Variants in DYDC2 observed in about 807,000 individuals in gnomAD.
DYDC2 encodes the protein DPY30 domain containing 2.
In DYDC2, 19 loss-of-function variants were observed where a neutral mutation model predicts 18.7. The observed-to-expected ratio is 1.02, with a 90% CI of 0.71 to 1.49. The LOEUF is 1.49. Ranked by LOEUF, DYDC2 falls within the 40% of genes most tolerant of loss-of-function variation. DYDC2 has a pLI of 0.00. For missense variants in DYDC2, 179 were observed against 205.1 expected (o/e 0.87, Z 0.78); for synonymous variants, 63 against 67.6 (o/e 0.93, Z 0.34).
At chr10:80,357,263 G>C (rs1160967681) in intron 1 of DYDC2, among the ~76,000 whole-genome samples, 1 of 150,338 alleles carries the variant, frequency 6.7e-6, no homozygotes, top group Non-Finnish European at 1.5e-5. Context: ...GGGAGCGTAG[G>C]ATCGGGGCGG....
intron 1 of DYDC2, among the ~76,000 whole-genome samples, chr10:80,347,509 CA>C (rs1468861812): frequency 6.6e-6 from 1 of 152,040 alleles, no homozygotes; most frequent in Non-Finnish European, 1.5e-5. Context: ...GTGTCATACC[CA>C]AAAAATTATT....
upstream of DYDC2, among the ~76,000 whole-genome samples, chr10:80,354,667 C>A (rs768804222): frequency 1.4e-4 from 22 of 151,948 alleles, no homozygotes; most frequent in Non-Finnish European, 2.4e-4. Flanking sequence ...TAGTGTGGAG[C>A]CGTCATGCAT....
At chr10:80,358,271 A>G (rs1843509170) in intron 2 of DYDC2, among the ~76,000 whole-genome samples, 1 of 152,152 alleles carries the variant, frequency 6.6e-6, no homozygotes, top group Non-Finnish European at 1.5e-5. Context: ...CCAGCTCCTC[A>G]GGAGGCTGAG....
chr10:80,363,137 A>G (rs1037645291), intron 4 of DYDC2, 64 bp downstream of exon 4: 2 of 1,565,030 alleles, frequency 1.3e-6, no homozygotes, highest in Middle Eastern at 3.4e-4. Flanking sequence ...CAGGAAAGCC[A>G]CAAGTCAGCC....
In DYDC2 at chr10:80,362,640, T is replaced by C. The variant is rs763226325; in HGVS notation, c.147+50T>C. ...GGAGGGCCCAGCTTTCCCAGAGTAATTTGAAAGCCAAGACACAAGGCAGGA... is the reference window on the plus strand; with the variant it reads ...GGAGGGCCCAGCTTTCCCAGAGTAACTTGAAAGCCAAGACACAAGGCAGGA... On this transcript the variant is annotated intron_variant, in intron 3 of 4. Transcript: ENST00000256039. 13 of 1,548,980 alleles carry C rather than the reference T, an allele frequency of 8.4e-6. No individual in the cohort carries two copies. The African/African-American group carries it at 1.6e-4, about 20-fold the overall frequency.
intron 2 of DYDC2, among the ~76,000 whole-genome samples, chr10:80,358,672 C>G (rs1843549388): frequency 6.6e-6 from 1 of 152,284 alleles, no homozygotes; most frequent in Non-Finnish European, 1.5e-5. Context: ...TTGGTAACTA[C>G]AGGTCGCTTG....
Position 80,364,039 on chromosome 10 carries a change from T to C in DYDC2, c.270+966T>C, listed in dbSNP as rs182894338. 3.9e-4 allele frequency among the ~76,000 whole-genome samples: 59 copies of C among 152,322 alleles called. 1 individual carries two copies. The highest frequency in any genetic ancestry group is 1.5e-4 in the Non-Finnish European group (10 of 68,016). On this transcript the variant is annotated intron_variant, in intron 4 of 4. Transcript: ENST00000256039. ...ATACCTGGATAGAGAGTCGTCTCAA[T>C]TGCAATGTTGGGTTTGATATATGAC...
At chr10:80,356,658 C>T (rs1843387416), upstream of DYDC2, 3 of 983,746 alleles carry the variant, frequency 3.0e-6, no homozygotes, top group South Asian at 9.4e-5. Flanking sequence ...CCGGACCCAG[C>T]GAAGCTAGGG....
chr10:80,364,453 A>T (rs1243723195), intron 4 of DYDC2, among the ~76,000 whole-genome samples: 1 of 152,232 alleles, frequency 6.6e-6, no homozygotes, highest in Admixed American at 6.5e-5. Flanking sequence ...AAATAGAAAT[A>T]TATAAGGCAA....
chr10:80,348,696 C>G (rs1221521523), intron 1 of DYDC2, among the ~76,000 whole-genome samples: 1 of 152,144 alleles, frequency 6.6e-6, no homozygotes, highest in Admixed American at 6.5e-5. Flanking sequence ...TTGGAAGTGG[C>G]TATTCTACAA....
chr10:80,358,126 C>T, intron 2 of DYDC2, 81 bp downstream of exon 2: 3 of 946,786 alleles, frequency 3.2e-6, no homozygotes, highest in African/African-American at 3.5e-5. Flanking sequence ...GCCTGTAATC[C>T]TAGCACTTTG....
At chr10:80,346,878 C>T (rs755398368) in intron 1 of DYDC2, among the ~76,000 whole-genome samples, 7 of 151,430 alleles carry the variant, frequency 4.6e-5, no homozygotes, top group Admixed American at 2.0e-4. Context: ...AGTTCAAGAC[C>T]AGCCTGGCCA....
At chr10:80,359,654 C>T (rs1221033348) in intron 2 of DYDC2, among the ~76,000 whole-genome samples, 1 of 152,136 alleles carries the variant, frequency 6.6e-6, no homozygotes, top group East Asian at 1.9e-4. Context: ...GCAGTAGAGG[C>T]CCGGCAAGAA....
chr10:80,363,349 T>G (rs950242029), intron 4 of DYDC2, among the ~76,000 whole-genome samples: 35 of 133,730 alleles, frequency 2.6e-4, no homozygotes, highest in African/African-American at 8.9e-4. Flanking sequence ...TTTTTTTTTT[T>G]TTTTTTTTTT....
upstream of DYDC2, chr10:80,354,443 G>GCC (rs1843226047): frequency 7.0e-6 from 1 of 143,344 alleles, no homozygotes; most frequent in Non-Finnish European, 1.5e-5. Context: ...CTGAGATTGT[G>GCC]CCATTGCACT....
intron 4 of DYDC2, among the ~76,000 whole-genome samples, chr10:80,366,326 C>T (rs1312109307): frequency 3.3e-5 from 5 of 152,196 alleles, no homozygotes; most frequent in Non-Finnish European, 7.3e-5. Context: ...CCACCACGCC[C>T]AGCCCATTCT....
chr10:80,352,770 C>G, upstream of DYDC2: 1 of 901,406 alleles, frequency 1.1e-6, no homozygotes, highest in African/African-American at 1.7e-5. Flanking sequence ...CAGGAAACTT[C>G]TAATAGTTTC....
chr10:80,361,314 G>A (rs1409506546), intron 2 of DYDC2, among the ~76,000 whole-genome samples: 1 of 152,184 alleles, frequency 6.6e-6, no homozygotes, highest in African/African-American at 2.4e-5. Flanking sequence ...CATCACATCA[G>A]GAGGCAGTTG....
At chr10:80,362,096 A>G (rs1843680192) in intron 2 of DYDC2, among the ~76,000 whole-genome samples, 1 of 152,214 alleles carries the variant, frequency 6.6e-6, no homozygotes, top group Non-Finnish European at 1.5e-5. Flanking sequence ...TCCTTAAGCT[A>G]AAATATGAGA....
Sources: allele counts gnomAD v4.1 joint callset (sites outside exome capture counted in the v4.1 genomes callset), GRCh38; gene constraint gnomAD v4.1.1; transcripts MANE v1.5; gene names NCBI Gene and HGNC (gene_info 2026-07-23, HGNC 2026-07-21).